Variants in CDH13 observed in about 807,000 individuals in gnomAD.
CDH13 encodes cadherin-13.
Under a neutral mutation model 63.8 loss-of-function variants are expected in CDH13, and 24 were observed. The ratio of observed to expected loss-of-function variants is 0.38; its 90% CI spans 0.27 to 0.53. The LOEUF is 0.53. Among genes scored for constraint, CDH13 ranks in the 20% least tolerant of loss-of-function variants. The probability of loss-of-function intolerance (pLI) is 0.85; values close to 1 mark genes in which losing one functional copy is unlikely to be tolerated. For missense variants in CDH13, 1,049 were observed against 903.1 expected (o/e 1.16, Z -2.07); for synonymous variants, 503 against 355.3 (o/e 1.42, Z -4.67).
chr16:82,912,187 G>A (rs2041852182), intron 2 of CDH13, among the ~76,000 whole-genome samples: 1 of 151,226 alleles, frequency 6.6e-6, no homozygotes, highest in African/African-American at 2.4e-5. Context: ...TCTTGTCTGT[G>A]TCCTTCCCCT....
chr16:83,176,791 AC>A (rs1251470142), intron 4 of CDH13, among the ~76,000 whole-genome samples: 2 of 151,916 alleles, frequency 1.3e-5, no homozygotes, highest in Non-Finnish European at 2.9e-5. Flanking sequence ...ATCCCTAAGG[AC>A]CCTTCTAATT....
At chr16:83,394,652 G>A (rs1381796942) in intron 6 of CDH13, among the ~76,000 whole-genome samples, 1 of 152,188 alleles carries the variant, frequency 6.6e-6, no homozygotes, top group African/African-American at 2.4e-5. Context: ...CATTTTATAG[G>A]ACCTCCCTTG....
chr16:83,299,561 C>A (rs529710623), intron 5 of CDH13, among the ~76,000 whole-genome samples: 1 of 152,296 alleles, frequency 6.6e-6, no homozygotes, highest in Non-Finnish European at 1.5e-5. Context: ...TTTGTTCATT[C>A]CACATAAGTG....
At chr16:82,872,748 CTTCTGG>C (rs1283262973) in intron 2 of CDH13, among the ~76,000 whole-genome samples, 16 of 152,150 alleles carry the variant, frequency 1.1e-4, no homozygotes, top group African/African-American at 3.9e-4. Context: ...ATTCATTCTC[CTTCTGG>C]AGATAGAAAT....
At chr16:82,947,771 C>G (rs1904888256) in intron 2 of CDH13, among the ~76,000 whole-genome samples, 1 of 152,168 alleles carries the variant, frequency 6.6e-6, no homozygotes, top group African/African-American at 2.4e-5. Context: ...TAGAGTTTAT[C>G]TTCCATATTT....
At chr16:83,692,372 C>G (rs1015378192) in intron 10 of CDH13, among the ~76,000 whole-genome samples, 1 of 152,174 alleles carries the variant, frequency 6.6e-6, no homozygotes, top group Non-Finnish European at 1.5e-5. Flanking sequence ...ATGCATTCTT[C>G]CCGGCTTGCT....
intron 6 of CDH13, among the ~76,000 whole-genome samples, chr16:83,374,055 T>G (rs778336422): frequency 1.3e-5 from 2 of 152,216 alleles, no homozygotes; most frequent in Non-Finnish European, 2.9e-5. Context: ...TGGAGGGTAC[T>G]AAGGCGTGCT....
chr16:82,729,150 G>A (rs1433040253), intron 1 of CDH13, among the ~76,000 whole-genome samples: 2 of 152,106 alleles, frequency 1.3e-5, no homozygotes, highest in Admixed American at 1.3e-4. Flanking sequence ...ATGAAGGCTA[G>A]AATCAACTTC....
At chr16:83,019,103 T>C (rs938019342) in intron 2 of CDH13, among the ~76,000 whole-genome samples, 3 of 152,244 alleles carry the variant, frequency 2.0e-5, no homozygotes, top group Non-Finnish European at 4.4e-5. Flanking sequence ...AACTTTAGCT[T>C]ACTGTAACTT....
intron 3 of CDH13, among the ~76,000 whole-genome samples, chr16:83,073,162 G>T (rs886551646): frequency 9.2e-5 from 14 of 152,084 alleles, no homozygotes; most frequent in African/African-American, 3.1e-4. Context: ...AATTATCCAG[G>T]CAGGCTTGCG....
chr16:83,128,691 C>T (rs1360519309), intron 4 of CDH13, among the ~76,000 whole-genome samples: 1 of 152,232 alleles, frequency 6.6e-6, no homozygotes, highest in Non-Finnish European at 1.5e-5. Context: ...TGAATTTTCT[C>T]ACAAGCCTCT....
chr16:83,537,640 C>G (rs2075219823), intron 7 of CDH13, among the ~76,000 whole-genome samples: 1 of 106,954 alleles, frequency 9.3e-6, no homozygotes, highest in Non-Finnish European at 2.1e-5. Context: ...ATTATTTGTT[C>G]TACAGGAAAA....
At chr16:83,090,819 A>G (rs1330753632) in intron 3 of CDH13, among the ~76,000 whole-genome samples, 1 of 152,116 alleles carries the variant, frequency 6.6e-6, no homozygotes, top group Non-Finnish European at 1.5e-5. Context: ...CAGACTAATA[A>G]AAACAAATCC....
chr16:83,625,190 A>G (rs950466137), intron 8 of CDH13, among the ~76,000 whole-genome samples: 4 of 151,140 alleles, frequency 2.6e-5, no homozygotes, highest in Non-Finnish European at 4.4e-5. Flanking sequence ...GTGTGTGCTC[A>G]TGTGTGTGTG....
intron 3 of CDH13, among the ~76,000 whole-genome samples, chr16:83,109,333 G>T (rs1406143419): frequency 6.6e-6 from 1 of 152,284 alleles, no homozygotes; most frequent in South Asian, 2.1e-4. Context: ...CGATGTGAGT[G>T]TCTAACCCCT....
At chr16:82,835,501 A>G (rs2038728654) in intron 1 of CDH13, among the ~76,000 whole-genome samples, 1 of 152,294 alleles carries the variant, frequency 6.6e-6, no homozygotes, top group East Asian at 1.9e-4. Context: ...GGGAAAGTGA[A>G]TTCAGTTGCT....
chr16:83,125,535 G>GT, intron 4 of CDH13, 34 bp downstream of exon 4: 1 of 1,179,858 alleles, frequency 8.5e-7, no homozygotes, highest in Non-Finnish European at 1.3e-6. Flanking sequence ...ACAAAAACAT[G>GT]TTTTTATGAA....
intron 2 of CDH13, among the ~76,000 whole-genome samples, chr16:82,916,581 A>C (rs1396443925): frequency 6.6e-6 from 1 of 151,898 alleles, no homozygotes; most frequent in Non-Finnish European, 1.5e-5. Context: ...CTCAAAAAAA[A>C]AATAAATAAA....
At chr16:83,359,049 A>G (rs1225706025) in intron 6 of CDH13, among the ~76,000 whole-genome samples, 2 of 152,124 alleles carry the variant, frequency 1.3e-5, no homozygotes, top group Non-Finnish European at 2.9e-5. Flanking sequence ...AAAACTTTAA[A>G]GGGCTCTAGA....
Sources: allele counts gnomAD v4.1 joint callset (sites outside exome capture counted in the v4.1 genomes callset), GRCh38; gene constraint gnomAD v4.1.1; transcripts MANE v1.5; gene names NCBI Gene and HGNC (gene_info 2026-07-23, HGNC 2026-07-21).